Variants in VSIG10L2 observed in about 807,000 individuals in gnomAD.
VSIG10L2 encodes the protein V-set and immunoglobulin domain containing 10 like 2, also known as V-set and immunoglobulin domain-containing protein 10-like 2.
Under a neutral mutation model 67.1 loss-of-function variants are expected in VSIG10L2, and 56 were observed. The ratio of observed to expected loss-of-function variants is 0.83; its 90% CI spans 0.67 to 1.04. The LOEUF is 1.04. Ranked by LOEUF, VSIG10L2 falls within the 50% of genes least tolerant of loss-of-function variation. The pLI is 0.00. For synonymous variants in VSIG10L2, 360 were observed against 396.6 expected (o/e 0.91, Z 1.10); for missense variants, 843 against 932.8 (o/e 0.90, Z 1.25).
Position 125,951,094 on chromosome 11 carries a change from C to G in VSIG10L2, c.1170C>G (p.Ser390Arg). 1 of 1,232,704 alleles carries G rather than the reference C, an allele frequency of 8.1e-7. No homozygotes were observed. Among genetic ancestry groups the G allele is most frequent in the Admixed American group, 4.2e-5 (1 of 23,732 alleles). 76.4% of individuals were successfully genotyped at this position (1,232,704 alleles called of 1,614,324 possible). A position where few individuals can be genotyped will look rare whatever the true frequency, so the allele number is the denominator to read the frequency against. ...CAGCCGCCCAGCTCCCCAGTGGCAG[C>G]GTCTTCACCTGCACTGGCCAGCACC... ...SHAAAQLPSG[S>R]VFTCTGQHPA... Residue 390 changes from serine (S) to arginine (R), a missense_variant, in exon 5 of 12, where the codon AGC (serine) becomes AGG (arginine). Ser to Arg is a moderately radical substitution (Grantham distance 110). Around this residue, in one of 2 missense-constraint regions of VSIG10L2, gnomAD observed 446 missense variants for 548.4 expected, o/e 0.81. Transcript: ENST00000686984.
chr11:125,951,635 G>A (rs1250251271), intron 5 of VSIG10L2, among the ~76,000 whole-genome samples, 178 bp from the exon 6 acceptor site: 1 of 152,208 alleles, frequency 6.6e-6, no homozygotes, highest in Non-Finnish European at 1.5e-5. Flanking sequence ...ATTGTTTAAT[G>A]TCTGTTCCCA....
chr11:125,949,199 T>C (rs1945332346), intron 3 of VSIG10L2, among the ~76,000 whole-genome samples: 1 of 152,256 alleles, frequency 6.6e-6, no homozygotes, highest in Non-Finnish European at 1.5e-5. Flanking sequence ...ATTCTGGATA[T>C]ATTTGGTTAA....
Position 125,953,603 on chromosome 11 carries a change from G to T in VSIG10L2, c.1699G>T (p.Asp567Tyr), listed in dbSNP as rs1218306694. Residue 567 changes from aspartate (D) to tyrosine (Y), a missense_variant, in exon 7 of 12, where the codon GAC (aspartate) becomes TAC (tyrosine). Physicochemically the swap from Asp to Tyr is radical, Grantham distance 160. Coordinates refer to ENST00000686984, the MANE Select transcript of VSIG10L2 (RefSeq NM_001365077.2). ...AQLRLGIYDADPAHHRGTYQC... is the reference protein window; with the variant it reads ...AQLRLGIYDAYPAHHRGTYQC... ...GCTGCGCCTGGGCATCTACGATGCT[G>T]ACCCGGCACACCACAGGGGCACCTA... 7 of 1,232,100 alleles carry T rather than the reference G, an allele frequency of 5.7e-6. No individual in the cohort carries two copies. Among genetic ancestry groups the T allele is most frequent in the South Asian group, 4.1e-5 (1 of 24,318 alleles). The allele number at this position is 1,232,100 out of a possible 1,614,324, so 76.3% of individuals were successfully genotyped here.
At chr11:125,948,804 A>G (rs634053) in intron 3 of VSIG10L2, among the ~76,000 whole-genome samples, 97,038 of 152,190 alleles carry the variant, frequency 0.64, 31,263 homozygotes, top group East Asian at 0.85. Flanking sequence ...ACCCTTTTCC[A>G]GGAAAACGTG....
chr11:125,954,955 C>A, intron 8 of VSIG10L2, 102 bp from the exon 9 acceptor site: 2 of 1,163,994 alleles, frequency 1.7e-6, no homozygotes, highest in Non-Finnish European at 2.2e-6. Context: ...ACTGGATGAG[C>A]AGGGCACCGC....
chr11:125,951,195 C>A, intron 5 of VSIG10L2, 37 bp downstream of exon 5: 7 of 1,232,578 alleles, frequency 5.7e-6, no homozygotes, highest in Non-Finnish European at 7.1e-6. Flanking sequence ...CTCTGACATT[C>A]CAGGCAGAGT....
chr11:125,950,127 C>T lies in VSIG10L2; in HGVS notation c.823C>T (p.Pro275Ser), dbSNP rs1266536186. 1 of 1,232,362 alleles carries T rather than the reference C, an allele frequency of 8.1e-7. No homozygotes were observed. The highest frequency in any genetic ancestry group is 1.6e-5 in the African/African-American group (1 of 64,436). The allele number at this position is 1,232,362 out of a possible 1,614,324, so 76.3% of individuals were successfully genotyped here. ...GAGCTGTCTGGCTGCCTCCAACCCA[C>T]CTAGTCACTATGTGTGGCTCCGTGA... ...TLSCLAASNP[P>S]SHYVWLRDHT... Residue 275 changes from proline (P) to serine (S), a missense_variant, in exon 4 of 12, where the codon CCT becomes TCT. Pro to Ser is a moderately conservative substitution (Grantham distance 74). This residue lies in a region of VSIG10L2 where 446 missense variants were observed against 548.4 expected (regional missense o/e 0.81). Coordinates refer to ENST00000686984, the MANE Select transcript of VSIG10L2 (RefSeq NM_001365077.2).
At chr11:125,952,143 G>C in intron 6 of VSIG10L2, 70 bp downstream of exon 6, 1 of 1,462,744 alleles carries the variant, frequency 6.8e-7, no homozygotes, top group Admixed American at 2.3e-5. Context: ...TCAGGATAAA[G>C]AGATCTTAGG....
At position 125,956,150 on chromosome 11, in the gene VSIG10L2, G is replaced by A; in HGVS notation, c.*236G>A. On this transcript the variant is annotated 3_prime_UTR_variant, in exon 12 of 12. Coordinates refer to ENST00000686984, the MANE Select transcript of VSIG10L2 (RefSeq NM_001365077.2). ...GACAGAGGTGGCAGGACAAGGAAGA[G>A]GACCCACAATGGGGAGACAGGGATC... is the stretch of plus-strand genomic sequence containing the variant. The A allele has an allele frequency of 3.1e-6, 2 of 654,154 alleles. No individual in the cohort carries two copies. Among genetic ancestry groups the A allele is most frequent in the South Asian group, 1.5e-5 (1 of 66,298 alleles). The allele number at this position is 654,154 out of a possible 1,614,324, so 40.5% of individuals were successfully genotyped here. A position where few individuals can be genotyped will look rare whatever the true frequency, so the allele number is the denominator to read the frequency against.
Position 125,952,057 on chromosome 11 carries a change from C to A in VSIG10L2, c.1479C>A (p.His493Gln). Residue 493 changes from histidine (H) to glutamine (Q), a missense_variant, in exon 6 of 12, where the codon CAC becomes CAA. This residue lies in a region of VSIG10L2 where 397 missense variants were observed against 384.4 expected (regional missense o/e 1.03). Transcript: ENST00000686984. ...ACCTGCTCAGGACCCCTGACCCCCACTGCCACCTCCAGCTGGGTGAGTAGG... is the reference window on the plus strand; with the variant it reads ...ACCTGCTCAGGACCCCTGACCCCCAATGCCACCTCCAGCTGGGTGAGTAGG... ...GTHLLRTPDP[H>Q]CHLQLEAPQL... 1 of 1,531,086 alleles carries A rather than the reference C, an allele frequency of 6.5e-7. No homozygotes were observed. Among genetic ancestry groups the A allele is most frequent in the Non-Finnish European group, 8.7e-7 (1 of 1,145,348 alleles). The allele number at this position is 1,531,086 out of a possible 1,614,324, so 94.8% of individuals were successfully genotyped here. A position where few individuals can be genotyped will look rare whatever the true frequency, so the allele number is the denominator to read the frequency against.
At chr11:125,950,343 G>A in intron 4 of VSIG10L2, 54 bp downstream of exon 4, 2 of 1,231,676 alleles carry the variant, frequency 1.6e-6, no homozygotes, top group Non-Finnish European at 2.0e-6. Flanking sequence ...AACTCACGCT[G>A]GAGCCTTTGT....
rs1945380599 is a variant in VSIG10L2, at chr11:125,951,961, C to T, written c.1383C>T (p.Ser461=). 1 of 1,536,050 alleles carries T rather than the reference C, an allele frequency of 6.5e-7. No homozygotes were observed. Among genetic ancestry groups the T allele is most frequent in the African/African-American group, 1.4e-5 (1 of 73,064 alleles). ...EQQQPLGGSS[S]SMAVHLLQAQ... is the part of the protein sequence containing the mutation. The stretch of plus-strand genomic sequence containing the variant: ...AGCAGCCCCTGGGCGGCAGCAGCTC[C>T]TCGATGGCCGTTCACCTCCTGCAGG... Residue 461 remains serine (S), a synonymous_variant, in exon 6 of 12, where the codon TCC becomes TCT. Coordinates refer to ENST00000686984, the MANE Select transcript of VSIG10L2 (RefSeq NM_001365077.2).
At chr11:125,950,872 G>A (rs567266945) in intron 4 of VSIG10L2, 38 bp from the exon 5 acceptor site, 3 of 1,232,494 alleles carry the variant, frequency 2.4e-6, no homozygotes, top group Middle Eastern at 3.1e-4. Flanking sequence ...GGCACTGGCA[G>A]TGGAGCCTGC....
In VSIG10L2 at chr11:125,948,395, C is replaced by G. The variant is rs967286750; in HGVS notation, c.524C>G (p.Thr175Arg). 2.4e-6 allele frequency: 3 copies of G among 1,232,370 alleles called. No homozygotes were observed. The highest frequency in any genetic ancestry group is 3.0e-6 in the Non-Finnish European group (3 of 988,118). The allele number at this position is 1,232,370 out of a possible 1,614,324, so 76.3% of individuals were successfully genotyped here. Residue 175 changes from threonine (T) to arginine (R), a missense_variant, in exon 3 of 12, where the codon ACA becomes AGA. Transcript: ENST00000686984. ...VVATCAVREG[T>R]EPVTFAWQHR... ...GCCACGTGTGCAGTGCGGGAGGGCA[C>G]AGAGCCCGTGACCTTTGCCTGGCAG...
rs930947946 is a variant in VSIG10L2, at chr11:125,953,399, G to A, written c.1496-1G>A. The A allele has an allele frequency of 1.6e-6, 2 of 1,232,482 alleles. No individual in the cohort carries two copies. The highest frequency in any genetic ancestry group is 3.1e-5 in the African/African-American group (2 of 64,548). 76.3% of individuals were successfully genotyped at this position (1,232,482 alleles called of 1,614,324 possible). The stretch of plus-strand genomic sequence containing the variant: ...CGGCCTCATCCTCTCTGTCCCCGCA[G>A]AAGCCCCACAGCTGGACGTGGCTGA... On this transcript the variant is annotated splice_acceptor_variant, in intron 6 of 11. Coordinates refer to ENST00000686984, the MANE Select transcript of VSIG10L2 (RefSeq NM_001365077.2). LOFTEE classifies it high-confidence loss of function.
At chr11:125,954,504 C>T in intron 8 of VSIG10L2, 121 bp downstream of exon 8, 1 of 817,996 alleles carries the variant, frequency 1.2e-6, no homozygotes, top group Non-Finnish European at 1.6e-6. Context: ...TGAATTCTCC[C>T]ATCCCCAGCC....
intron 6 of VSIG10L2, among the ~76,000 whole-genome samples, chr11:125,952,711 C>T (rs1175174275): frequency 2.6e-5 from 4 of 152,210 alleles, no homozygotes. Flanking sequence ...TCTTCCTTAT[C>T]TTCATCTGGC....
chr11:125,953,325 A>G, intron 6 of VSIG10L2, 75 bp from the exon 7 acceptor site: 1 of 1,177,106 alleles, frequency 8.5e-7, no homozygotes, highest in Non-Finnish European at 1.1e-6. Flanking sequence ...TCTCTTCTCC[A>G]TGCCTTCCAA....
chr11:125,954,417 T>C (rs767847276), intron 8 of VSIG10L2, 34 bp downstream of exon 8: 5 of 1,231,566 alleles, frequency 4.1e-6, no homozygotes, highest in Non-Finnish European at 5.1e-6. Context: ...ACCCACCTTT[T>C]CTCCAAAGCG....
Sources: gnomAD v4.1 joint callset for allele counts (sites outside exome capture counted in the v4.1 genomes callset) on GRCh38, gnomAD v4.1.1 for gene constraint, gnomAD v4.1.1 regional missense constraint, MANE v1.5 for transcripts, NCBI Gene and HGNC (gene_info 2026-07-23, HGNC 2026-07-21) for gene names.